DTNB: variants seen among roughly 807,000 people sequenced by gnomAD.
The protein encoded by DTNB is DTN-B.
In DTNB, 63 loss-of-function variants were observed where a neutral mutation model predicts 90.7. The ratio of observed to expected loss-of-function variants is 0.69; its 90% CI spans 0.57 to 0.86. The LOEUF is 0.86. DTNB is among the 40% of genes least tolerant of loss of function. The probability of loss-of-function intolerance (pLI) is 0.00; values close to 1 mark genes in which losing one functional copy is unlikely to be tolerated. For synonymous variants in DTNB, 277 were observed against 286.7 expected (o/e 0.97, Z 0.34); for missense variants, 744 against 807.1 (o/e 0.92, Z 0.95).
chr2:25,397,128 G>A (rs1169632138), intron 16 of DTNB, among the ~76,000 whole-genome samples: 1 of 148,604 alleles, frequency 6.7e-6, no homozygotes, highest in Non-Finnish European at 1.5e-5. Flanking sequence ...ATATATCCAT[G>A]AGACATGAAA....
chr2:25,596,027 G>A, intron 6 of DTNB, 59 bp downstream of exon 6: 1 of 1,429,206 alleles, frequency 7.0e-7, no homozygotes, highest in Non-Finnish European at 9.2e-7. Flanking sequence ...AAATCTGTTA[G>A]AAGGTGAAGG....
intron 8 of DTNB, among the ~76,000 whole-genome samples, chr2:25,573,471 C>T (rs1187849400): frequency 6.6e-6 from 1 of 152,184 alleles, no homozygotes; most frequent in Non-Finnish European, 1.5e-5. Context: ...TTAAGGCTTT[C>T]TCTCTAGGGT....
chr2:25,645,652 G>A (rs1264944469), intron 2 of DTNB, among the ~76,000 whole-genome samples: 1 of 151,850 alleles, frequency 6.6e-6, no homozygotes, highest in African/African-American at 2.4e-5. Flanking sequence ...TGTTGCCCAG[G>A]CTGGTCTCAA....
At position 25,655,159 on chromosome 2, in the gene DTNB, C is replaced by T. The variant is rs1263002014; in HGVS notation, c.-1-2498G>A. On this transcript the variant is annotated intron_variant, in intron 1 of 20. Transcript: ENST00000406818. ...GCTAAAAATTAGACCCAAGTTTCGACTGTGAAAGCAGGCAAATTACAAAGA... is the reference window on the plus strand; with the variant it reads ...GCTAAAAATTAGACCCAAGTTTCGATTGTGAAAGCAGGCAAATTACAAAGA... Among the ~76,000 whole-genome samples the T allele has an allele frequency of 2.0e-5, 3 of 152,240 alleles. No individual in the cohort carries two copies. In the East Asian group the frequency reaches 5.8e-4, roughly 29 times the overall value.
At chr2:25,589,816 T>C (rs1573023020) in intron 6 of DTNB, among the ~76,000 whole-genome samples, 1 of 152,190 alleles carries the variant, frequency 6.6e-6, no homozygotes, top group African/African-American at 2.4e-5. Flanking sequence ...TGCCGGAGTT[T>C]TGCTTGGGCC....
chr2:25,558,314 T>C, intron 8 of DTNB: 1 of 985,418 alleles, frequency 1.0e-6, no homozygotes, highest in Non-Finnish European at 1.2e-6. Flanking sequence ...CAGAAACAGA[T>C]AAGCAATTCA....
intron 4 of DTNB, among the ~76,000 whole-genome samples, chr2:25,621,715 C>T (rs1466755996): frequency 3.3e-5 from 5 of 150,994 alleles, no homozygotes; most frequent in Non-Finnish European, 7.4e-5. Context: ...TCTCAGCCTC[C>T]CAAAGTGCTG....
intron 12 of DTNB, among the ~76,000 whole-genome samples, chr2:25,435,074 C>T (rs889125469): frequency 2.6e-5 from 4 of 152,120 alleles, no homozygotes; most frequent in African/African-American, 4.8e-5. Context: ...GGCTGGACTG[C>T]AACGGCATGA....
At chr2:25,412,420 T>C (rs1050203252) in intron 16 of DTNB, among the ~76,000 whole-genome samples, 1 of 152,140 alleles carries the variant, frequency 6.6e-6, no homozygotes, top group East Asian at 1.9e-4. Context: ...ATTCCACTAA[T>C]CACATTATTT....
At chr2:25,449,368 T>G (rs926849879) in intron 12 of DTNB, among the ~76,000 whole-genome samples, 2 of 152,234 alleles carry the variant, frequency 1.3e-5, no homozygotes, top group African/African-American at 4.8e-5. Context: ...TGCTGGGTCA[T>G]AGTATAAATT....
In DTNB at chr2:25,387,687, G is replaced by C. The variant is rs1467292200; in HGVS notation, c.1736-309C>G. On this transcript the variant is annotated intron_variant, in intron 17 of 20. Transcript: ENST00000406818. This position sits in a 1 kb window ranked among gnomAD's most constrained non-coding sequence, Gnocchi z 4.5. The stretch of plus-strand genomic sequence containing the variant: ...CCACCGAGGTCTTCCTCAGCCTTGT[G>C]GGGGTGGGGCTGTACTCTCCACAAC... Among the ~76,000 whole-genome samples, 3 of 152,126 alleles carry C rather than the reference G, an allele frequency of 2.0e-5. No homozygotes were observed. The highest frequency in any genetic ancestry group is 7.2e-5 in the African/African-American group (3 of 41,416).
chr2:25,445,474 C>G (rs1327555832), intron 12 of DTNB, among the ~76,000 whole-genome samples: 1 of 152,142 alleles, frequency 6.6e-6, no homozygotes, highest in Non-Finnish European at 1.5e-5. Flanking sequence ...GGGGGAGAAA[C>G]AAAGCAAGAA....
At chr2:25,604,068 C>A (rs1573266118) in intron 5 of DTNB, among the ~76,000 whole-genome samples, 1 of 152,086 alleles carries the variant, frequency 6.6e-6, no homozygotes, top group African/African-American at 2.4e-5. Flanking sequence ...ACTTCTCTGT[C>A]CGTAGCATAT....
intron 9 of DTNB, among the ~76,000 whole-genome samples, chr2:25,522,063 G>A (rs1158768553): frequency 6.6e-6 from 1 of 152,116 alleles, no homozygotes; most frequent in Non-Finnish European, 1.5e-5. Context: ...GCTTGAATTC[G>A]GATCACAGGA....
chr2:25,620,941 T>C (rs1370895574), intron 4 of DTNB, among the ~76,000 whole-genome samples: 1 of 152,300 alleles, frequency 6.6e-6, no homozygotes, highest in East Asian at 1.9e-4. Context: ...GCAGGAGAAC[T>C]GCTTGAGCCC....
At chr2:25,558,371 C>A (rs2057715479) in intron 8 of DTNB, 15 of 985,238 alleles carry the variant, frequency 1.5e-5, no homozygotes, top group Non-Finnish European at 1.8e-5. Flanking sequence ...CACATGGAAG[C>A]AGAAGATGCA....
intron 4 of DTNB, among the ~76,000 whole-genome samples, chr2:25,621,668 G>A (rs575661047): frequency 6.9e-6 from 1 of 144,818 alleles, no homozygotes; most frequent in Admixed American, 7.0e-5. Flanking sequence ...TGTTAGTCAG[G>A]CTGGTCTTGA....
intron 10 of DTNB, among the ~76,000 whole-genome samples, chr2:25,468,635 G>A (rs1014235518): frequency 6.6e-6 from 1 of 152,138 alleles, no homozygotes; most frequent in African/African-American, 2.4e-5. Context: ...AGTTAAATCA[G>A]GGTCAAGTGC....
chr2:25,451,270 T>C (rs200043247), intron 12 of DTNB, among the ~76,000 whole-genome samples: 4 of 152,190 alleles, frequency 2.6e-5, no homozygotes, highest in Non-Finnish European at 5.9e-5. Flanking sequence ...CAGTATAATT[T>C]AGAATAGAGG....
Sources: gnomAD v4.1 joint callset for allele counts (sites outside exome capture counted in the v4.1 genomes callset) on GRCh38, gnomAD v4.1.1 for gene constraint, Gnocchi (gnomAD v3.1) non-coding constraint, MANE v1.5 for transcripts, NCBI Gene and HGNC (gene_info 2026-07-23, HGNC 2026-07-21) for gene names.